Variants in INTS4 observed in about 807,000 individuals in gnomAD.
INTS4 encodes integrator complex subunit 4.
Under a neutral mutation model 119.5 loss-of-function variants are expected in INTS4, and 70 were observed. The ratio of observed to expected loss-of-function variants is 0.59; its 90% CI spans 0.48 to 0.71. INTS4 has a LOEUF of 0.71. Among genes scored for constraint, INTS4 ranks in the 30% least tolerant of loss-of-function variants. The probability of loss-of-function intolerance (pLI) is 0.00; values close to 1 mark genes in which losing one functional copy is unlikely to be tolerated. For synonymous variants in INTS4, 316 were observed against 419.6 expected (o/e 0.75, Z 3.02); for missense variants, 867 against 1,173.2 (o/e 0.74, Z 3.81).
At chr11:77,913,043 T>C (rs1157396429) in intron 15 of INTS4, among the ~76,000 whole-genome samples, 1 of 152,190 alleles carries the variant, frequency 6.6e-6, no homozygotes, top group Non-Finnish European at 1.5e-5. Context: ...ATGGAACACT[T>C]CTAAGGTGAT....
At chr11:77,974,599 T>C (rs1236134131) in intron 4 of INTS4, among the ~76,000 whole-genome samples, 1 of 138,604 alleles carries the variant, frequency 7.2e-6, no homozygotes, top group African/African-American at 2.7e-5. Context: ...TCTGTAATCA[T>C]GTCTTTTTTT....
chr11:77,877,111 G>A (rs541229874), downstream of INTS4: 42 of 693,738 alleles, frequency 6.1e-5, no homozygotes, highest in East Asian at 3.0e-4. Context: ...TCCCTCTTTC[G>A]CACTCATGAC....
intron 18 of INTS4, among the ~76,000 whole-genome samples, chr11:77,899,959 A>C (rs1414999907): frequency 1.3e-5 from 2 of 152,130 alleles, no homozygotes; most frequent in East Asian, 3.8e-4. Context: ...GTAATATTTT[A>C]ATTTTTCTAA....
chr11:77,938,204 T>C (rs1953847558), intron 10 of INTS4, among the ~76,000 whole-genome samples: 1 of 152,262 alleles, frequency 6.6e-6, no homozygotes, highest in South Asian at 2.1e-4. Flanking sequence ...ATATAAAGGT[T>C]TGGCAGTCAG....
chr11:77,929,977 C>T (rs1169783214), intron 10 of INTS4, among the ~76,000 whole-genome samples: 1 of 152,144 alleles, frequency 6.6e-6, no homozygotes, highest in Non-Finnish European at 1.5e-5. Flanking sequence ...CCTTGGCATG[C>T]TCAGAACATG....
intron 2 of INTS4, among the ~76,000 whole-genome samples, chr11:77,983,528 T>C (rs974769586): frequency 2.0e-5 from 3 of 152,180 alleles, no homozygotes; most frequent in East Asian, 1.9e-4. Context: ...AGAACTTGAA[T>C]AGACATTTCT....
chr11:77,921,723 CTA>C, intron 13 of INTS4, among the ~76,000 whole-genome samples: 1 of 152,282 alleles, frequency 6.6e-6, no homozygotes, highest in Admixed American at 6.5e-5. Context: ...AAGTAAGCAA[CTA>C]TATTGCCTAT....
chr11:77,966,059 C>A (rs143740084), intron 4 of INTS4, among the ~76,000 whole-genome samples: 110 of 152,300 alleles, frequency 7.2e-4, no homozygotes, highest in Admixed American at 1.6e-3. Context: ...ATTTTCCCGA[C>A]GCTTAGTGAT....
At chr11:77,953,768 G>C (rs1180063279) in intron 8 of INTS4, among the ~76,000 whole-genome samples, 1 of 152,126 alleles carries the variant, frequency 6.6e-6, no homozygotes, top group Non-Finnish European at 1.5e-5. Flanking sequence ...ATTTTTAGTA[G>C]AGATGGGGTT....
rs942658062 is a variant in INTS4 at position 77,917,894 on chromosome 11, T to G, written c.1922+927A>C. Reference sequence around the variant, plus strand: ...TAAACCAGGCATTAGTCACCCAGAATAAAGACTGCATGTCCTCGCTCCTTG... The same window carrying G: ...TAAACCAGGCATTAGTCACCCAGAAGAAAGACTGCATGTCCTCGCTCCTTG... On this transcript the variant is annotated intron_variant, in intron 15 of 22. Transcript: ENST00000534064. The G allele has an allele frequency of 8.7e-6, 5 of 575,162 alleles. No homozygotes were observed. In the African/African-American group the frequency reaches 9.5e-5, roughly 11 times the overall value. 35.6% of individuals were successfully genotyped at this position (575,162 alleles called of 1,614,324 possible).
At chr11:77,885,914 G>A (rs902792745) in intron 21 of INTS4, among the ~76,000 whole-genome samples, 5 of 152,186 alleles carry the variant, frequency 3.3e-5, no homozygotes, top group Admixed American at 3.3e-4. Context: ...CATAATTTCT[G>A]TGTTCAGCAG....
intron 18 of INTS4, among the ~76,000 whole-genome samples, chr11:77,895,725 T>A (rs1393604193): frequency 1.3e-5 from 2 of 152,036 alleles, no homozygotes; most frequent in African/African-American, 4.8e-5. Flanking sequence ...CATTTCCTCA[T>A]TTGTTTGCCT....
chr11:77,970,471 C>T (rs1855682426), intron 4 of INTS4, among the ~76,000 whole-genome samples: 1 of 152,050 alleles, frequency 6.6e-6, no homozygotes, highest in South Asian at 2.1e-4. Context: ...ACAAGCAGAA[C>T]AGCTGGGTCC....
At chr11:77,895,162 G>A (rs1264707548) in intron 18 of INTS4, among the ~76,000 whole-genome samples, 1 of 152,012 alleles carries the variant, frequency 6.6e-6, no homozygotes, top group Non-Finnish European at 1.5e-5. Context: ...CAGGCAACAT[G>A]CTAGGTCAGT....
At chr11:77,972,835 T>G (rs919183796) in intron 4 of INTS4, among the ~76,000 whole-genome samples, 3 of 151,464 alleles carry the variant, frequency 2.0e-5, no homozygotes, top group African/African-American at 7.3e-5. Context: ...TTGTGGGTTT[T>G]TTTTTTTTTT....
chr11:77,939,878 CAAAAAA>C (rs1207979192), intron 9 of INTS4, among the ~76,000 whole-genome samples: 3 of 151,490 alleles, frequency 2.0e-5, no homozygotes, highest in Non-Finnish European at 4.4e-5. Flanking sequence ...AACAAACAAA[CAAAAAA>C]ACCATGCACA....
At chr11:77,955,880 T>A (rs1954307683) in intron 8 of INTS4, 62 bp downstream of exon 8, 2 of 1,502,142 alleles carry the variant, frequency 1.3e-6, no homozygotes, top group Admixed American at 4.0e-5. Context: ...CAGTCCTCAT[T>A]TCTACAGAAA....
intron 4 of INTS4, among the ~76,000 whole-genome samples, chr11:77,977,391 G>C (rs1224466363): frequency 2.0e-5 from 3 of 151,588 alleles, no homozygotes; most frequent in Non-Finnish European, 4.4e-5. Flanking sequence ...TAGCAAAAAA[G>C]GAGCAAAATT....
chr11:77,878,583 T>C, downstream of INTS4: 1 of 553,512 alleles, frequency 1.8e-6, no homozygotes, highest in Non-Finnish European at 3.2e-6. Context: ...GAAATAAGAC[T>C]ATAGCTCAAA....
Sources: allele counts gnomAD v4.1 joint callset (sites outside exome capture counted in the v4.1 genomes callset), GRCh38; gene constraint gnomAD v4.1.1; transcripts MANE v1.5; gene names NCBI Gene and HGNC (gene_info 2026-07-23, HGNC 2026-07-21).